Variants in ZCCHC17 observed in about 807,000 individuals in gnomAD.
ZCCHC17 encodes the protein zinc finger CCHC domain-containing protein 17.
Under a neutral mutation model 30.6 loss-of-function variants are expected in ZCCHC17, and 18 were observed. The observed-to-expected ratio is 0.59, with a 90% CI of 0.41 to 0.87. ZCCHC17 has a LOEUF of 0.87. ZCCHC17 is among the 40% of genes least tolerant of loss of function. ZCCHC17 has a pLI of 0.00. For synonymous variants in ZCCHC17, 88 were observed against 92.4 expected (o/e 0.95, Z 0.27); for missense variants, 263 against 284.2 (o/e 0.93, Z 0.54).
At chr1:31,355,014 A>G (rs574920172) in intron 7 of ZCCHC17, among the ~76,000 whole-genome samples, 1 of 152,190 alleles carries the variant, frequency 6.6e-6, no homozygotes, top group Admixed American at 6.5e-5. Flanking sequence ...GTCTCTACTA[A>G]AAATACAGAA....
At chr1:31,352,035 A>G (rs1383894168) in intron 7 of ZCCHC17, among the ~76,000 whole-genome samples, 2 of 152,234 alleles carry the variant, frequency 1.3e-5, no homozygotes, top group African/African-American at 2.4e-5. Context: ...CAAGTTTAAC[A>G]TACCTCCAAA....
At chr1:31,318,052 G>T in intron 2 of ZCCHC17, 1 of 767,974 alleles carries the variant, frequency 1.3e-6, no homozygotes, top group Non-Finnish European at 2.0e-6. Flanking sequence ...TCTGTACAGT[G>T]ACATAAGGAT....
intron 5 of ZCCHC17, among the ~76,000 whole-genome samples, chr1:31,345,708 A>T (rs1288178041): frequency 6.6e-6 from 1 of 151,050 alleles, no homozygotes; most frequent in African/African-American, 2.4e-5. Flanking sequence ...GGAAACTTAC[A>T]GTCATGGCTG....
intron 2 of ZCCHC17, among the ~76,000 whole-genome samples, chr1:31,317,323 C>A (rs1330945272): frequency 6.6e-6 from 1 of 152,178 alleles, no homozygotes; most frequent in Non-Finnish European, 1.5e-5. Context: ...CCGTGCCTGG[C>A]CTCCCTAACT....
intron 7 of ZCCHC17, among the ~76,000 whole-genome samples, chr1:31,363,151 A>T (rs1639984022): frequency 6.6e-6 from 1 of 151,268 alleles, no homozygotes; most frequent in African/African-American, 2.4e-5. Flanking sequence ...TGGCACTTAA[A>T]GATTTACTTT....
chr1:31,330,724 G>C (rs1286045255), intron 3 of ZCCHC17, among the ~76,000 whole-genome samples: 1 of 152,134 alleles, frequency 6.6e-6, no homozygotes, highest in Non-Finnish European at 1.5e-5. Context: ...TAATTTATAT[G>C]ATTTCTAGAT....
chr1:31,351,335 C>T (rs1639462968), intron 7 of ZCCHC17, among the ~76,000 whole-genome samples: 1 of 152,182 alleles, frequency 6.6e-6, no homozygotes, highest in Admixed American at 6.5e-5. Context: ...TATCCCCTCA[C>T]TTCTCTTACA....
chr1:31,299,096 A>G (rs1646242097), intron 1 of ZCCHC17, among the ~76,000 whole-genome samples: 1 of 152,248 alleles, frequency 6.6e-6, no homozygotes, highest in African/African-American at 2.4e-5. Flanking sequence ...GCCAAAAGCC[A>G]GATATGAGGC....
Position 31,339,028 on chromosome 1 carries a change from T to G in ZCCHC17, c.297T>G (p.Asp99Glu). Residue 99 changes from aspartate (D) to glutamate (E), a missense_variant, in exon 5 of 8, where the codon GAT becomes GAG. Transcript: ENST00000344147. ...VVNQGTGKDL[D>E]PNNVIIEQEE... The stretch of plus-strand genomic sequence containing the variant: ...ATCAAGGGACTGGGAAAGACCTTGA[T>G]CCCAACAATGTTATCATTGAGTAAG... 6.2e-7 allele frequency: 1 copy of G among 1,611,252 alleles called. No homozygotes were observed. The highest frequency in any genetic ancestry group is 8.5e-7 in the Non-Finnish European group (1 of 1,179,092).
chr1:31,322,032 C>T (rs975145928), intron 3 of ZCCHC17, among the ~76,000 whole-genome samples: 1 of 152,188 alleles, frequency 6.6e-6, no homozygotes, highest in African/African-American at 2.4e-5. Context: ...CATGAATCTA[C>T]ACATGTGGTA....
chr1:31,356,163 C>A (rs1189681852), intron 7 of ZCCHC17, among the ~76,000 whole-genome samples: 1 of 152,162 alleles, frequency 6.6e-6, no homozygotes, highest in Non-Finnish European at 1.5e-5. Context: ...TCATATGGTA[C>A]CTACACTCAA....
At chr1:31,331,494 G>A (rs1638586573) in intron 3 of ZCCHC17, among the ~76,000 whole-genome samples, 1 of 152,132 alleles carries the variant, frequency 6.6e-6, no homozygotes, top group Non-Finnish European at 1.5e-5. Context: ...CAAGCAGGGG[G>A]TTGTCAGCTT....
chr1:31,318,879 G>A (rs948894677), intron 2 of ZCCHC17, among the ~76,000 whole-genome samples: 10 of 152,148 alleles, frequency 6.6e-5, no homozygotes, highest in African/African-American at 1.4e-4. Context: ...TCATCACACC[G>A]TGTGATAACA....
chr1:31,349,074 A>G (rs1164364216), intron 7 of ZCCHC17, 100 bp downstream of exon 7: 3 of 1,366,204 alleles, frequency 2.2e-6, no homozygotes, highest in African/African-American at 3.0e-5. Flanking sequence ...AGTCCCAGCT[A>G]CTTGGGAGGA....
chr1:31,360,757 TTA>T (rs1316729317), intron 7 of ZCCHC17, among the ~76,000 whole-genome samples: 3 of 152,214 alleles, frequency 2.0e-5, no homozygotes, highest in Non-Finnish European at 4.4e-5. Flanking sequence ...AAACTCTGTG[TTA>T]TAAAGTATAG....
At position 31,364,766 on chromosome 1, in the gene ZCCHC17, A is replaced by C. The variant is rs957556685; in HGVS notation, c.*573A>C. ...CATCCAGCGGCCACAGCTAGAAAAC[A>C]GTCTGCAGTGTGACTTAACTTGTGT... On this transcript the variant is annotated 3_prime_UTR_variant, in exon 8 of 8. Transcript: ENST00000344147. 1.3e-5 allele frequency: 2 copies of C among 153,212 alleles called. No individual in the cohort carries two copies. Among genetic ancestry groups the C allele is most frequent in the African/African-American group, 4.8e-5 (2 of 41,468 alleles). The allele number at this position is 153,212 out of a possible 1,614,324, so 9.5% of individuals were successfully genotyped here. A position where few individuals can be genotyped will look rare whatever the true frequency, so the allele number is the denominator to read the frequency against.
chr1:31,339,962 T>C (rs922682384), intron 5 of ZCCHC17, among the ~76,000 whole-genome samples: 9 of 102,164 alleles, frequency 8.8e-5, no homozygotes, highest in Admixed American at 2.2e-4. Flanking sequence ...TTGGATTTCT[T>C]TTTTTTTTTT....
At chr1:31,325,215 C>T (rs1399911996) in intron 3 of ZCCHC17, among the ~76,000 whole-genome samples, 1 of 152,208 alleles carries the variant, frequency 6.6e-6, no homozygotes, top group African/African-American at 2.4e-5. Flanking sequence ...AAAGGAGCTA[C>T]CTACTTTGGG....
intron 7 of ZCCHC17, among the ~76,000 whole-genome samples, chr1:31,357,243 T>C (rs572295328): frequency 1.3e-5 from 2 of 152,352 alleles, no homozygotes; most frequent in Non-Finnish European, 2.9e-5. Context: ...CTGGTGCCTA[T>C]ATAGAGAAAG....
Sources: allele counts gnomAD v4.1 joint callset (sites outside exome capture counted in the v4.1 genomes callset), GRCh38; gene constraint gnomAD v4.1.1; transcripts MANE v1.5; gene names NCBI Gene and HGNC (gene_info 2026-07-23, HGNC 2026-07-21).